Variants in TMPRSS11B observed in about 807,000 individuals in gnomAD.
TMPRSS11B encodes transmembrane protease serine 11B.
Under a neutral mutation model 44.7 loss-of-function variants are expected in TMPRSS11B, and 53 were observed. The ratio of observed to expected loss-of-function variants is 1.19; its 90% confidence interval spans 0.95 to 1.49. The LOEUF (loss-of-function observed/expected upper bound fraction) is 1.49, where lower values mean the gene tolerates loss of function less well. Ranked by LOEUF, TMPRSS11B falls within the 40% of genes most tolerant of loss-of-function variation. The pLI, the probability that TMPRSS11B is intolerant of heterozygous loss-of-function variation, is 0.00. For missense variants in TMPRSS11B, 526 were observed against 494.8 expected (o/e 1.06, Z -0.60); for synonymous variants, 140 against 159.2 (o/e 0.88, Z 0.91).
intron 9 of TMPRSS11B, 62 bp from the exon 10 acceptor site, chr4:68,228,134 T>C (rs778991620): frequency 4.1e-5 from 60 of 1,448,626 alleles, no homozygotes; most frequent in Non-Finnish European, 5.1e-5. Context: ...TTACCTCTCC[T>C]GTGGAGTTAT....
chr4:68,237,282 G>A (rs1719698190), intron 2 of TMPRSS11B, among the ~76,000 whole-genome samples: 1 of 152,068 alleles, frequency 6.6e-6, no homozygotes, highest in African/African-American at 2.4e-5. Flanking sequence ...TTCTTTTTAT[G>A]GCTGAATAGT....
In TMPRSS11B at chr4:68,227,957, C is replaced by A. The variant is rs140417405; in HGVS notation, c.1205G>T (p.Arg402Leu). The change falls in exon 10 of 10, where the codon CGA becomes CTA. Residue 402 changes from arginine to leucine, a missense_variant. Arg to Leu is a moderately radical substitution (Grantham distance 102). Transcript: ENST00000332644. ...GKKNKPGVYT[R>L]VTSYRNWITS... ...AATCCAATTGCGATAAGAAGTCACT[C>A]GAGTATAGACACCTGGCTTATTCTT... 1.2e-6 allele frequency: 2 copies of A among 1,613,148 alleles called. No individual in the cohort carries two copies. Among genetic ancestry groups the A allele is most frequent in the Admixed American group, 1.7e-5 (1 of 59,786 alleles).
intron 7 of TMPRSS11B, among the ~76,000 whole-genome samples, chr4:68,229,927 A>C (rs1194216593): frequency 1.3e-5 from 2 of 152,222 alleles, no homozygotes; most frequent in Non-Finnish European, 1.5e-5. Flanking sequence ...ACCACCCTCA[A>C]GTAGGCCCTA....
chr4:68,239,355 G>A (rs921055205), intron 2 of TMPRSS11B, among the ~76,000 whole-genome samples: 3 of 152,072 alleles, frequency 2.0e-5, no homozygotes, highest in East Asian at 3.9e-4. Context: ...AATACACACA[G>A]AGGAAAGGCC....
intron 2 of TMPRSS11B, among the ~76,000 whole-genome samples, chr4:68,240,248 T>G (rs1339710263): frequency 1.3e-5 from 2 of 152,192 alleles, no homozygotes. Flanking sequence ...AAATATTATA[T>G]TCGTTCCTAA....
intron 6 of TMPRSS11B, 40 bp downstream of exon 6, chr4:68,232,338 T>C (rs747373074): frequency 6.3e-7 from 1 of 1,577,452 alleles, no homozygotes; most frequent in South Asian, 1.1e-5. Flanking sequence ...AAAATACCTG[T>C]GAGTCCATCA....
Position 68,234,612 on chromosome 4 carries a change from T to C in TMPRSS11B, c.320A>G (p.Asn107Ser), listed in dbSNP as rs552431412. 16 of 1,613,836 alleles carry C rather than the reference T, an allele frequency of 9.9e-6. No individual in the cohort carries two copies. The highest frequency in any genetic ancestry group is 6.6e-5 in the South Asian group (6 of 91,068). Residue 107 changes from asparagine (N) to serine (S), a missense_variant, in exon 5 of 10, where the codon AAT becomes AGT. Transcript: ENST00000332644. ...SEVIKLLPNANGSNVQLQLKF... is the reference protein window; with the variant it reads ...SEVIKLLPNASGSNVQLQLKF... ...CAGCTGTAACTGCACATTTGAACCA[T>C]TGGCATTAGGCCTAGAAACAACAGA...
intron 2 of TMPRSS11B, among the ~76,000 whole-genome samples, chr4:68,237,826 G>T (rs901909798): frequency 1.1e-4 from 17 of 152,102 alleles, no homozygotes; most frequent in African/African-American, 3.9e-4. Flanking sequence ...GACCAGCCTG[G>T]ACAGCATAGT....
In TMPRSS11B at chr4:68,236,184, G is replaced by A. The variant is rs993867868; in HGVS notation, c.207C>T (p.Ala69=). 8.1e-6 allele frequency: 13 copies of A among 1,611,918 alleles called. No homozygotes were observed. In the African/African-American group the frequency reaches 1.7e-4, roughly 22 times the overall value. ...CAATATCTTTGCTTAGATTTGTGCT[G>A]GCTTGTGAAGCTGCGTTTTCACAAT... ...NDNCENAASQ[A]STNLSKDIET... Residue 69 remains alanine (A), a synonymous_variant, in exon 3 of 10, where the codon GCC becomes GCT. Coordinates refer to ENST00000332644, the MANE Select transcript of TMPRSS11B (RefSeq NM_182502.3).
intron 4 of TMPRSS11B, 51 bp downstream of exon 4, chr4:68,235,951 G>A: frequency 9.5e-7 from 1 of 1,049,072 alleles, no homozygotes; most frequent in Non-Finnish European, 1.4e-6. Flanking sequence ...AAGGTTGTAT[G>A]ATATATCACC....
Position 68,241,808 on chromosome 4 carries a change from T to A in TMPRSS11B, c.9-4A>T, listed in dbSNP as rs201569562. ...TCTTTGGGAAGATATGCCGTGCCTA[T>A]GAAAGAGGAAAATTTTGGTTCAAAT... On this transcript the variant is annotated splice_polypyrimidine_tract_variant and splice_region_variant and intron_variant, in intron 1 of 9. Coordinates refer to ENST00000332644, the MANE Select transcript of TMPRSS11B (RefSeq NM_182502.3). 3.1e-6 allele frequency: 5 copies of A among 1,602,874 alleles called. No homozygotes were observed. Among genetic ancestry groups the A allele is most frequent in the Non-Finnish European group, 4.3e-6 (5 of 1,170,338 alleles).
Position 68,231,320 on chromosome 4 carries a change from CT to C in TMPRSS11B, c.568del (p.Ser190AlafsTer25). 4 of 1,613,842 alleles carry C rather than the reference CT, an allele frequency of 2.5e-6. No individual in the cohort carries two copies. The Middle Eastern group carries it at 5.0e-4, about 201-fold the overall frequency. ...ITGNKIVNGK[S>X]SLEGAWPWQA... ...CCATGGCCATGCCCCCTCCAGGGAGCTTTTTCCATTCACAATTTTGTTGCCA... is the reference window on the plus strand; with the variant it reads ...CCATGGCCATGCCCCCTCCAGGGAGCTTTTCCATTCACAATTTTGTTGCCA... On this transcript the variant is annotated frameshift_variant, in exon 7 of 10. Coordinates refer to ENST00000332644, the MANE Select transcript of TMPRSS11B (RefSeq NM_182502.3). LOFTEE classifies it high-confidence loss of function.
rs776858947 is a variant in TMPRSS11B at position 68,229,347 on chromosome 4, T to C, written c.856A>G (p.Ile286Val). 3 of 1,614,098 alleles carry C rather than the reference T, an allele frequency of 1.9e-6. No individual in the cohort carries two copies. The highest frequency in any genetic ancestry group is 2.2e-5 in the East Asian group (1 of 44,862). The change falls in exon 8 of 10, where the codon ATT becomes GTT. Residue 286 changes from isoleucine (I) to valine (V), a missense_variant. Ile to Val is a conservative substitution (Grantham distance 29). Coordinates refer to ENST00000332644, the MANE Select transcript of TMPRSS11B (RefSeq NM_182502.3). ...LAEEVSFTEY[I>V]RKICLPEAKM... ...GCTTCAGGAAGACAAATCTTACGAA[T>C]GTACTCTGTAAAAGAAACTTCTTCA...
chr4:68,239,263 C>T (rs1284460630), intron 2 of TMPRSS11B, among the ~76,000 whole-genome samples: 2 of 144,196 alleles, frequency 1.4e-5, no homozygotes, highest in East Asian at 1.9e-4. Context: ...CGCTCTCTCT[C>T]GCGCGCGCGC....
At chr4:68,243,827 T>C (rs1400102237) in intron 1 of TMPRSS11B, among the ~76,000 whole-genome samples, 2 of 152,146 alleles carry the variant, frequency 1.3e-5, no homozygotes, top group Non-Finnish European at 2.9e-5. Flanking sequence ...TGAGATGGTT[T>C]CAAAATAATC....
chr4:68,228,169 A>C (rs1719409557), intron 9 of TMPRSS11B, 97 bp from the exon 10 acceptor site: 1 of 1,121,300 alleles, frequency 8.9e-7, no homozygotes, highest in Non-Finnish European at 1.2e-6. Context: ...CACTGAAACC[A>C]ATTCACTCTC....
intron 6 of TMPRSS11B, 24 bp from the exon 7 acceptor site, chr4:68,231,404 G>C: frequency 6.3e-7 from 1 of 1,579,892 alleles, no homozygotes; most frequent in East Asian, 2.3e-5. Context: ...TTATTTACAC[G>C]AGAGCAGGTA....
chr4:68,232,341 G>A, intron 6 of TMPRSS11B, 37 bp downstream of exon 6: 2 of 1,583,074 alleles, frequency 1.3e-6, no homozygotes, highest in Non-Finnish European at 1.7e-6. Flanking sequence ...ATACCTGTGA[G>A]TCCATCAAAT....
Position 68,245,527 on chromosome 4 carries a change from T to A in TMPRSS11B, c.8+24A>T, listed in dbSNP as rs1719976493. On this transcript the variant is annotated intron_variant, in intron 1 of 9. Transcript: ENST00000332644. Reference sequence around the variant, plus strand: ...AACTTGCTACATTTTGCCAACTTGCTCTCCCCAGTGAAGTCCCCTTTACCT... The same window carrying A: ...AACTTGCTACATTTTGCCAACTTGCACTCCCCAGTGAAGTCCCCTTTACCT... The A allele has an allele frequency of 3.1e-6, 5 of 1,613,040 alleles. No homozygotes were observed. In the Admixed American group the frequency reaches 6.7e-5, roughly 22 times the overall value.
Sources: gnomAD v4.1 joint callset for allele counts (sites outside exome capture counted in the v4.1 genomes callset) on GRCh38, gnomAD v4.1.1 for gene constraint, MANE v1.5 for transcripts, NCBI Gene and HGNC (gene_info 2026-07-23, HGNC 2026-07-21) for gene names.